SUFU: variants seen among roughly 807,000 people sequenced by gnomAD.
SUFU encodes SUFU negative regulator of hedgehog signaling.
In SUFU, 7 loss-of-function variants were observed where a neutral mutation model predicts 58.9. The ratio of observed to expected loss-of-function variants is 0.12; its 90% confidence interval spans 0.07 to 0.22. The LOEUF is 0.22. Ranked by LOEUF, SUFU falls within the 10% of genes least tolerant of loss-of-function variation. The probability of loss-of-function intolerance (pLI) is 1.00; values close to 1 mark genes in which losing one functional copy is unlikely to be tolerated. For missense variants in SUFU, 451 were observed against 641.3 expected (o/e 0.70, Z 3.20); for synonymous variants, 232 against 254.8 (o/e 0.91, Z 0.85).
chr10:102,587,496 T>C (rs1459562069), intron 3 of SUFU, among the ~76,000 whole-genome samples: 1 of 152,132 alleles, frequency 6.6e-6, no homozygotes, highest in African/African-American at 2.4e-5. Context: ...GCACAAACAG[T>C]TTGTTTTGTT....
At chr10:102,517,106 A>G (rs557080669) in intron 2 of SUFU, among the ~76,000 whole-genome samples, 2 of 147,920 alleles carry the variant, frequency 1.4e-5, no homozygotes, top group South Asian at 2.2e-4. Flanking sequence ...CTGGGCAATA[A>G]GAGTGAAACT....
In SUFU at chr10:102,581,219, AAG is replaced by A. The variant is rs1423035416; in HGVS notation, c.455-11361_455-11360del. On this transcript the variant is annotated intron_variant, in intron 3 of 11. Coordinates refer to ENST00000369902, the MANE Select transcript of SUFU (RefSeq NM_016169.4). ...AAAAAAAAAAAAAAAAAAGAAGAAG[AAG>A]AAATTAGGCATGGGTTTTAGAAATT... Among the ~76,000 whole-genome samples, 15 of 95,738 alleles carry A rather than the reference AAG, an allele frequency of 1.6e-4. 1 individual carries two copies. Among genetic ancestry groups the A allele is most frequent in the East Asian group, 4.7e-4 (1 of 2,122 alleles). The allele number at this position is 95,738 out of a possible 152,430, so 62.8% of individuals were successfully genotyped here.
intron 8 of SUFU, among the ~76,000 whole-genome samples, chr10:102,602,302 T>C (rs888333731): frequency 6.6e-6 from 1 of 152,212 alleles, no homozygotes; most frequent in African/African-American, 2.4e-5. Context: ...GGATGTAATC[T>C]TCCTTACCCC....
rs1177912513 is a variant in SUFU, at chr10:102,631,233, T to C, written c.*1078T>C. The C allele has an allele frequency of 1.7e-5, 4 of 233,362 alleles. No individual in the cohort carries two copies. The highest frequency in any genetic ancestry group is 3.4e-5 in the Non-Finnish European group (4 of 118,216). The allele number at this position is 233,362 out of a possible 1,614,324, so 14.5% of individuals were successfully genotyped here. On this transcript the variant is annotated 3_prime_UTR_variant, in exon 12 of 12. Coordinates refer to ENST00000369902, the MANE Select transcript of SUFU (RefSeq NM_016169.4). ...GAAAAATCCACCTCTTAACATCTCTTTCACTTTGGTTTTGCTAACACTGCT... is the reference window on the plus strand; with the variant it reads ...GAAAAATCCACCTCTTAACATCTCTCTCACTTTGGTTTTGCTAACACTGCT...
At chr10:102,576,249 G>A (rs1056639262) in intron 3 of SUFU, among the ~76,000 whole-genome samples, 12 of 152,004 alleles carry the variant, frequency 7.9e-5, no homozygotes, top group African/African-American at 2.9e-4. Flanking sequence ...TATCCATTTG[G>A]TGTGCGTCCT....
intron 3 of SUFU, among the ~76,000 whole-genome samples, chr10:102,558,646 C>T (rs2063005357): frequency 2.0e-5 from 3 of 152,248 alleles, no homozygotes; most frequent in African/African-American, 4.8e-5. Context: ...AGTCTTCCCT[C>T]TGCTCATCAC....
intron 8 of SUFU, among the ~76,000 whole-genome samples, chr10:102,606,952 G>A (rs2063567608): frequency 1.3e-5 from 2 of 152,088 alleles, no homozygotes; most frequent in Admixed American, 6.6e-5. Context: ...AGGTGGGAGC[G>A]GGTTGGAAGG....
At chr10:102,571,748 A>G (rs557810995) in intron 3 of SUFU, among the ~76,000 whole-genome samples, 1 of 152,226 alleles carries the variant, frequency 6.6e-6, no homozygotes, top group Admixed American at 6.5e-5. Context: ...GTGTGTCTCA[A>G]GTTTGGACAC....
intron 3 of SUFU, among the ~76,000 whole-genome samples, chr10:102,562,233 T>C (rs1199586797): frequency 6.6e-6 from 1 of 152,178 alleles, no homozygotes; most frequent in African/African-American, 2.4e-5. Flanking sequence ...TTTTAAAACT[T>C]GCTTTTCTAT....
intron 2 of SUFU, among the ~76,000 whole-genome samples, chr10:102,526,928 G>T (rs1344692089): frequency 1.2e-4 from 18 of 151,824 alleles, no homozygotes; most frequent in African/African-American, 4.3e-4. Flanking sequence ...GGAACAAGAT[G>T]AGGTTGCAGA....
rs2063132974 is a variant in SUFU, at chr10:102,568,951, T to TACAC, written c.454+18846_454+18847insCACA. 6.4e-5 allele frequency among the ~76,000 whole-genome samples: 7 copies of TACAC among 108,826 alleles called. 1 individual carries two copies. Among genetic ancestry groups the TACAC allele is most frequent in the East Asian group, 3.0e-4 (1 of 3,332 alleles). The allele number at this position is 108,826 out of a possible 152,430, so 71.4% of individuals were successfully genotyped here. Reference sequence around the variant, plus strand: ...ATATATATATATATATATATATATATATATATATATATCTATAGCAGTGCT... The same window carrying TACAC: ...ATATATATATATATATATATATATATACACATATATATATATCTATAGCAGTGCT... On this transcript the variant is annotated intron_variant, in intron 3 of 11. Transcript: ENST00000369902.
chr10:102,547,463 A>G (rs1314872055), intron 2 of SUFU, among the ~76,000 whole-genome samples: 1 of 152,214 alleles, frequency 6.6e-6, no homozygotes, highest in Non-Finnish European at 1.5e-5. Flanking sequence ...TGTACCCTCA[A>G]AATGGATTCT....
At chr10:102,572,214 G>A (rs1397454076) in intron 3 of SUFU, among the ~76,000 whole-genome samples, 1 of 141,204 alleles carries the variant, frequency 7.1e-6, no homozygotes, top group Non-Finnish European at 1.5e-5. Context: ...TACAGGCACC[G>A]GCCACCACGC....
intron 8 of SUFU, among the ~76,000 whole-genome samples, chr10:102,614,342 G>A (rs2063659814): frequency 1.3e-5 from 2 of 152,100 alleles, no homozygotes; most frequent in Admixed American, 1.3e-4. Flanking sequence ...GATCACCTGA[G>A]GTCAGGAGTT....
chr10:102,557,143 T>C (rs2062989927), intron 3 of SUFU, among the ~76,000 whole-genome samples: 1 of 151,102 alleles, frequency 6.6e-6, no homozygotes, highest in African/African-American at 2.4e-5. Context: ...CTTGGGAGGC[T>C]GAGTTTGAGC....
intron 2 of SUFU, among the ~76,000 whole-genome samples, chr10:102,523,222 C>G (rs2062571404): frequency 6.6e-6 from 1 of 152,176 alleles, no homozygotes; most frequent in South Asian, 2.1e-4. Flanking sequence ...TACTCAGTCT[C>G]TTGGAGTCCC....
chr10:102,515,862 C>G (rs937174847), intron 2 of SUFU, among the ~76,000 whole-genome samples: 2 of 152,144 alleles, frequency 1.3e-5, no homozygotes, highest in Admixed American at 1.3e-4. Flanking sequence ...CTCTGCCTTT[C>G]CTCTCAGGGA....
intron 10 of SUFU, among the ~76,000 whole-genome samples, chr10:102,621,962 C>A (rs558317200): frequency 6.6e-6 from 1 of 152,370 alleles, no homozygotes; most frequent in South Asian, 2.1e-4. Flanking sequence ...GGCACTGACA[C>A]AAGATCACTT....
rs2063433302 is a variant in SUFU at position 102,593,949 on chromosome 10, C to T, written c.684-44C>T. 1.9e-6 allele frequency: 3 copies of T among 1,610,460 alleles called. No individual in the cohort carries two copies. In the East Asian group the frequency reaches 6.7e-5, roughly 36 times the overall value. Reference sequence around the variant, plus strand: ...CAGGCTGTAGGCCCAGCCCATCAGCCCCAGACCCTCAGTTACCATTGTATC... The same window carrying T: ...CAGGCTGTAGGCCCAGCCCATCAGCTCCAGACCCTCAGTTACCATTGTATC... On this transcript the variant is annotated intron_variant, in intron 5 of 11. Transcript: ENST00000369902.
Sources: allele counts gnomAD v4.1 joint callset (sites outside exome capture counted in the v4.1 genomes callset), GRCh38; gene constraint gnomAD v4.1.1; transcripts MANE v1.5; gene names NCBI Gene and HGNC (gene_info 2026-07-23, HGNC 2026-07-21).